Variants in RAB18 observed in about 807,000 individuals in gnomAD.
RAB18 encodes the protein RAB18, member RAS oncogene family, also known as ras-related protein Rab-18.
Under a neutral mutation model 28.5 loss-of-function variants are expected in RAB18, and 10 were observed. The observed-to-expected ratio is 0.35, with a 90% CI of 0.22 to 0.60. The LOEUF (loss-of-function observed/expected upper bound fraction) is 0.60. RAB18 is among the 20% of genes least tolerant of loss of function. The pLI, the probability that RAB18 is intolerant of heterozygous loss-of-function variation, is 0.78. For synonymous variants in RAB18, 93 were observed against 86.9 expected (o/e 1.07, Z -0.39); for missense variants, 188 against 244.2 (o/e 0.77, Z 1.53).
At chr10:27,532,027 A>G (rs897297725) in intron 3 of RAB18, among the ~76,000 whole-genome samples, 2 of 152,052 alleles carry the variant, frequency 1.3e-5, no homozygotes, top group Admixed American at 1.3e-4. Flanking sequence ...AAAAGAGCCC[A>G]ACCTAAAAAT....
chr10:27,536,276 A>T (rs139230802), intron 6 of RAB18, among the ~76,000 whole-genome samples: 1 of 152,190 alleles, frequency 6.6e-6, no homozygotes, highest in Non-Finnish European at 1.5e-5. Flanking sequence ...CATGGTGGTC[A>T]TTGGCATTTA....
At chr10:27,509,806 T>G in intron 1 of RAB18, 69 bp from the exon 2 acceptor site, 1 of 1,274,630 alleles carries the variant, frequency 7.8e-7, no homozygotes, top group South Asian at 1.2e-5. Flanking sequence ...GACCAAATAA[T>G]CATGAACACA....
At chr10:27,513,240 G>C (rs1368406642) in intron 2 of RAB18, among the ~76,000 whole-genome samples, 1 of 151,680 alleles carries the variant, frequency 6.6e-6, no homozygotes, top group Non-Finnish European at 1.5e-5. Flanking sequence ...TTACTATATT[G>C]GCCAGGCTGG....
intron 1 of RAB18, among the ~76,000 whole-genome samples, chr10:27,507,390 G>T (rs576177933): frequency 7.7e-4 from 117 of 152,232 alleles, no homozygotes; most frequent in Non-Finnish European, 4.0e-4. Context: ...AAAGCGAGGG[G>T]GTTGGAATAG....
intron 6 of RAB18, among the ~76,000 whole-genome samples, chr10:27,537,041 C>G (rs1834914344): frequency 6.6e-6 from 1 of 152,064 alleles, no homozygotes; most frequent in Admixed American, 6.6e-5. Context: ...TTGGTATGAT[C>G]CAGTAGAGAG....
At chr10:27,522,845 T>C (rs1331610714) in intron 2 of RAB18, among the ~76,000 whole-genome samples, 1 of 152,118 alleles carries the variant, frequency 6.6e-6, no homozygotes, top group Non-Finnish European at 1.5e-5. Flanking sequence ...TTCTGTACAA[T>C]CTATAAATGG....
intron 1 of RAB18, chr10:27,504,854 C>T (rs551821984): frequency 3.0e-5 from 14 of 466,172 alleles, no homozygotes; most frequent in African/African-American, 1.2e-4. Context: ...AGCTTTCCCA[C>T]TTGAGGGTTT....
intron 2 of RAB18, among the ~76,000 whole-genome samples, chr10:27,525,062 C>A (rs888651081): frequency 5.3e-5 from 8 of 152,160 alleles, no homozygotes; most frequent in Non-Finnish European, 8.8e-5. Flanking sequence ...GCAAATTATT[C>A]TTATGTCAGA....
At chr10:27,527,048 A>G (rs183422604) in intron 3 of RAB18, 159 bp downstream of exon 3, 27 of 826,240 alleles carry the variant, frequency 3.3e-5, no homozygotes, top group Non-Finnish European at 4.4e-5. Flanking sequence ...GTAATGTCTT[A>G]TAATTGGGTA....
rs1195646753 is a variant in RAB18, at chr10:27,538,397, T to G, written c.*346T>G. 1 of 464,882 alleles carries G rather than the reference T, an allele frequency of 2.2e-6. No homozygotes were observed. Among genetic ancestry groups the G allele is most frequent in the East Asian group, 6.6e-5 (1 of 15,160 alleles). The allele number at this position is 464,882 out of a possible 1,614,324, so 28.8% of individuals were successfully genotyped here. A position where few individuals can be genotyped will look rare whatever the true frequency, so the allele number is the denominator to read the frequency against. On this transcript the variant is annotated 3_prime_UTR_variant, in exon 7 of 7. Transcript: ENST00000356940. ...TTTGCTATTCTTTTTGCTTAAATAC[T>G]CCTATCATTTTCTGAATTACTTGGT...
At position 27,540,335 on chromosome 10, in the gene RAB18, A is replaced by G; in HGVS notation, c.*2284A>G. 1 of 453,982 alleles carries G rather than the reference A, an allele frequency of 2.2e-6. No individual in the cohort carries two copies. The highest frequency in any genetic ancestry group is 2.0e-5 in the African/African-American group (1 of 50,088). The allele number at this position is 453,982 out of a possible 1,614,324, so 28.1% of individuals were successfully genotyped here. A position where few individuals can be genotyped will look rare whatever the true frequency, so the allele number is the denominator to read the frequency against. On this transcript the variant is annotated 3_prime_UTR_variant, in exon 7 of 7. Transcript: ENST00000356940. Reference sequence around the variant, plus strand: ...GGTAACCCCCAAAGATCACATAGCTACTCAGTCACTGAGCTGGATTCCAGT... The same window carrying G: ...GGTAACCCCCAAAGATCACATAGCTGCTCAGTCACTGAGCTGGATTCCAGT...
chr10:27,540,153 T>C lies in RAB18; in HGVS notation c.*2102T>C. 1 of 454,074 alleles carries C rather than the reference T, an allele frequency of 2.2e-6. No homozygotes were observed. The highest frequency in any genetic ancestry group is 4.4e-6 in the Non-Finnish European group (1 of 226,770). The allele number at this position is 454,074 out of a possible 1,614,324, so 28.1% of individuals were successfully genotyped here. ...CCCAAACAAATAAAAAACTATTCAATTTCTGAGTAATAGTTAATATTTATT... is the reference window on the plus strand; with the variant it reads ...CCCAAACAAATAAAAAACTATTCAACTTCTGAGTAATAGTTAATATTTATT... On this transcript the variant is annotated 3_prime_UTR_variant, in exon 7 of 7. Coordinates refer to ENST00000356940, the MANE Select transcript of RAB18 (RefSeq NM_021252.5).
At chr10:27,517,564 C>G (rs531704234) in intron 2 of RAB18, among the ~76,000 whole-genome samples, 1 of 152,198 alleles carries the variant, frequency 6.6e-6, no homozygotes, top group South Asian at 2.1e-4. Context: ...TTGACAACAA[C>G]AAAGTAAATC....
In RAB18 at chr10:27,541,313, T is replaced by C. The variant is rs899493098; in HGVS notation, c.*3262T>C. 2.2e-5 allele frequency: 10 copies of C among 453,028 alleles called. No homozygotes were observed. Among genetic ancestry groups the C allele is most frequent in the African/African-American group, 2.0e-4 (10 of 49,698 alleles). The allele number at this position is 453,028 out of a possible 1,614,324, so 28.1% of individuals were successfully genotyped here. On this transcript the variant is annotated 3_prime_UTR_variant, in exon 7 of 7. Coordinates refer to ENST00000356940, the MANE Select transcript of RAB18 (RefSeq NM_021252.5). ...ATAGACAGGCTAGCTAAGTCAAGAC[T>C]AGGGGCTAAGGAATATAGAATCACC... is the stretch of plus-strand genomic sequence containing the variant.
At chr10:27,529,115 G>C (rs1335056110) in intron 3 of RAB18, among the ~76,000 whole-genome samples, 1 of 151,734 alleles carries the variant, frequency 6.6e-6, no homozygotes, top group Non-Finnish European at 1.5e-5. Context: ...TTAAAATCAT[G>C]TATCAGTTGA....
At chr10:27,529,113 A>G (rs1184349681) in intron 3 of RAB18, among the ~76,000 whole-genome samples, 1 of 151,894 alleles carries the variant, frequency 6.6e-6, no homozygotes, top group Non-Finnish European at 1.5e-5. Context: ...CTTTAAAATC[A>G]TGTATCAGTT....
chr10:27,534,581 A>G (rs2132409938), intron 6 of RAB18, among the ~76,000 whole-genome samples: 1 of 152,356 alleles, frequency 6.6e-6, no homozygotes, highest in African/African-American at 2.4e-5. Flanking sequence ...CATACGGCCC[A>G]CGAAGCCTAA....
chr10:27,515,250 A>G (rs1295633772), intron 2 of RAB18, among the ~76,000 whole-genome samples: 2 of 152,150 alleles, frequency 1.3e-5, no homozygotes, highest in African/African-American at 4.8e-5. Flanking sequence ...TCCTGTAGAA[A>G]TTAGTTATAC....
chr10:27,532,633 G>A (rs1220785039), intron 4 of RAB18, 54 bp downstream of exon 4: 1 of 1,355,580 alleles, frequency 7.4e-7, no homozygotes, highest in East Asian at 2.3e-5. Flanking sequence ...GTTTCTGATT[G>A]TCCTAGTCTG....
Sources: gnomAD v4.1 joint callset for allele counts (sites outside exome capture counted in the v4.1 genomes callset) on GRCh38, gnomAD v4.1.1 for gene constraint, MANE v1.5 for transcripts, NCBI Gene and HGNC (gene_info 2026-07-23, HGNC 2026-07-21) for gene names.